Variants in HIF1AN observed in about 807,000 individuals in gnomAD.
HIF1AN encodes the protein hypoxia inducible factor 1 subunit alpha inhibitor.
In HIF1AN, 21 loss-of-function variants were observed where a neutral mutation model predicts 47.7. The observed-to-expected ratio is 0.44, with a 90% confidence interval of 0.31 to 0.63. The LOEUF (loss-of-function observed/expected upper bound fraction) is 0.63, where lower values mean the gene tolerates loss of function less well. Ranked by LOEUF, HIF1AN falls within the 30% of genes least tolerant of loss-of-function variation. HIF1AN has a pLI of 0.07. For synonymous variants in HIF1AN, 152 were observed against 155.9 expected, an observed-to-expected ratio of 0.98 and a Z score of 0.18; for missense variants, 320 against 432.7, an observed-to-expected ratio of 0.74 and a Z score of 2.31.
At chr10:100,539,998 T>C (rs1328590406) in intron 2 of HIF1AN, among the ~76,000 whole-genome samples, 1 of 151,988 alleles carries the variant, frequency 6.6e-6, no homozygotes, top group Non-Finnish European at 1.5e-5. Context: ...GATTCTTTTA[T>C]TTATTTATTT....
chr10:100,540,520 G>T (rs1460563942), intron 2 of HIF1AN, 114 bp from the exon 3 acceptor site: 6 of 1,191,024 alleles, frequency 5.0e-6, no homozygotes, highest in East Asian at 2.4e-5. Context: ...GACTACATCT[G>T]TTCTCTGTGG....
Position 100,544,974 on chromosome 10 carries a change from G to C in HIF1AN, c.601G>C (p.Asp201His), listed in dbSNP as rs758624092. ...MEGNVTPAHYDEQQNFFAQIK... is the reference protein window; with the variant it reads ...MEGNVTPAHYHEQQNFFAQIK... The stretch of plus-strand genomic sequence containing the variant: ...AGGAAATGTGACACCTGCTCACTAT[G>C]ATGAGCAGCAGAACTTTTTTGCTCA... The change falls in exon 4 of 8, where the codon GAT becomes CAT. Residue 201 changes from aspartate (D) to histidine (H), a missense_variant. Transcript: ENST00000299163. 3.1e-6 allele frequency: 5 copies of C among 1,614,066 alleles called. No homozygotes were observed. Among genetic ancestry groups the C allele is most frequent in the Non-Finnish European group, 4.2e-6 (5 of 1,179,900 alleles).
intron 7 of HIF1AN, 98 bp downstream of exon 7, chr10:100,547,348 T>G (rs1564663922): frequency 1.3e-6 from 1 of 747,848 alleles, no homozygotes. Context: ...CAGTGTCTGG[T>G]GTCCTCTCTC....
intron 7 of HIF1AN, among the ~76,000 whole-genome samples, chr10:100,547,495 C>A (rs754483493): frequency 5.9e-5 from 9 of 152,198 alleles, no homozygotes; most frequent in Non-Finnish European, 1.2e-4. Flanking sequence ...CTGGGGACCC[C>A]CTGAGGGGAT....
chr10:100,555,747 C>G lies in HIF1AN; in HGVS notation c.*7610C>G, dbSNP rs1377361311. On this transcript the variant is annotated 3_prime_UTR_variant, in exon 8 of 8. Coordinates refer to ENST00000299163, the MANE Select transcript of HIF1AN (RefSeq NM_017902.3). ...TTCTCTTTGGCTCTAGCTAATTTTG[C>G]TGTTTTATTCCGTTTACTTAAAACC... The G allele has an allele frequency of 6.6e-6, 1 of 152,262 alleles. No homozygotes were observed. Among genetic ancestry groups the G allele is most frequent in the African/African-American group, 2.4e-5 (1 of 41,464 alleles). 9.4% of individuals were successfully genotyped at this position (152,262 alleles called of 1,614,324 possible).
At position 100,553,959 on chromosome 10, in the gene HIF1AN, T is replaced by A. The variant is rs1367019027; in HGVS notation, c.*5822T>A. The stretch of plus-strand genomic sequence containing the variant: ...TTATTCAGAAACTTGGTTTCAGTGA[T>A]CTCTAAACAGATTTCCAGTGGTTCT... On this transcript the variant is annotated 3_prime_UTR_variant, in exon 8 of 8. Transcript: ENST00000299163. 1.3e-5 allele frequency: 2 copies of A among 152,200 alleles called. No individual in the cohort carries two copies. Among genetic ancestry groups the A allele is most frequent in the East Asian group, 3.8e-4 (2 of 5,208 alleles). 9.4% of individuals were successfully genotyped at this position (152,200 alleles called of 1,614,324 possible).
chr10:100,539,163 C>T (rs4919470), intron 2 of HIF1AN, among the ~76,000 whole-genome samples: 24,954 of 152,094 alleles, frequency 0.16, 2,493 homozygotes, highest in South Asian at 0.23. Context: ...AACTCCTGAG[C>T]TTAGGCAATC....
In HIF1AN at chr10:100,549,062, G is replaced by C. The variant is rs544055030; in HGVS notation, c.*925G>C. 4.3e-5 allele frequency: 5 copies of C among 116,588 alleles called. No individual in the cohort carries two copies. Among genetic ancestry groups the C allele is most frequent in the African/African-American group, 7.1e-5 (2 of 28,296 alleles). The allele number at this position is 116,588 out of a possible 1,614,324, so 7.2% of individuals were successfully genotyped here. A position where few individuals can be genotyped will look rare whatever the true frequency, so the allele number is the denominator to read the frequency against. On this transcript the variant is annotated 3_prime_UTR_variant, in exon 8 of 8. Transcript: ENST00000299163. ...CCTCTGGGTGTGTGTGTGTGTGTGC[G>C]TGCGTGTGTGTGTGTGTGTCCGTGT...
At position 100,536,055 on chromosome 10, in the gene HIF1AN, C is replaced by T; in HGVS notation, c.97C>T (p.Arg33Cys). The T allele has an allele frequency of 6.2e-7, 1 of 1,611,832 alleles. No individual in the cohort carries two copies. Among genetic ancestry groups the T allele is most frequent in the Non-Finnish European group, 8.5e-7 (1 of 1,179,306 alleles). Residue 33 changes from arginine to cysteine, a missense_variant, in exon 1 of 8, where the codon CGC becomes TGC. This residue lies in a region of HIF1AN where 159 missense variants were observed against 159.9 expected (regional missense o/e 0.99). Transcript: ENST00000299163. The part of the protein sequence containing the change: ...LGPAWDESQL[R>C]SYSFPTRPIP... ...CCCCGCCTGGGATGAATCCCAGTTG[C>T]GCAGTTATAGCTTCCCGACTAGGCC... is the stretch of plus-strand genomic sequence containing the variant.
chr10:100,539,171 A>G (rs895893200), intron 2 of HIF1AN, among the ~76,000 whole-genome samples: 1 of 152,150 alleles, frequency 6.6e-6, no homozygotes, highest in Non-Finnish European at 1.5e-5. Flanking sequence ...AGCTTAGGCA[A>G]TCCACCTCCC....
chr10:100,542,698 C>A (rs931917786), intron 3 of HIF1AN, among the ~76,000 whole-genome samples: 2 of 152,016 alleles, frequency 1.3e-5, no homozygotes, highest in Non-Finnish European at 1.5e-5. Flanking sequence ...TCATGGAGTT[C>A]GAATTCAAAA....
At chr10:100,539,538 C>A (rs1280399712) in intron 2 of HIF1AN, among the ~76,000 whole-genome samples, 4 of 152,246 alleles carry the variant, frequency 2.6e-5, no homozygotes, top group Non-Finnish European at 4.4e-5. Flanking sequence ...TTCTCACTTA[C>A]TACATGTTGA....
intron 2 of HIF1AN, among the ~76,000 whole-genome samples, chr10:100,538,407 G>A (rs1238723947): frequency 3.3e-5 from 5 of 152,286 alleles, no homozygotes; most frequent in Middle Eastern, 3.4e-3. Flanking sequence ...TATATGGGCA[G>A]TATCACTGAC....
intron 6 of HIF1AN, 81 bp downstream of exon 6, chr10:100,546,662 G>A: frequency 9.5e-7 from 1 of 1,052,208 alleles, no homozygotes; most frequent in South Asian, 1.3e-5. Flanking sequence ...GATTTTGGAT[G>A]GGATGGTTGA....
Position 100,548,875 on chromosome 10 carries a change from TAG to T in HIF1AN, c.*742_*743del, listed in dbSNP as rs1843122648. 1 of 152,606 alleles carries T rather than the reference TAG, an allele frequency of 6.6e-6. No homozygotes were observed. The highest frequency in any genetic ancestry group is 2.4e-5 in the African/African-American group (1 of 41,430). 9.5% of individuals were successfully genotyped at this position (152,606 alleles called of 1,614,324 possible). A position where few individuals can be genotyped will look rare whatever the true frequency, so the allele number is the denominator to read the frequency against. Reference sequence around the variant, plus strand: ...CAATGATTGTGCATAAGTTCTAAATTAGAGACACATATAGTTTCTCTCTTTCA... The same window carrying T: ...CAATGATTGTGCATAAGTTCTAAATTAGACACATATAGTTTCTCTCTTTCA... On this transcript the variant is annotated 3_prime_UTR_variant, in exon 8 of 8. Transcript: ENST00000299163.
rs1209027529 is a variant in HIF1AN at position 100,556,338 on chromosome 10, C to T, written c.*8201C>T. The T allele has an allele frequency of 6.6e-6, 1 of 152,148 alleles. No homozygotes were observed. Among genetic ancestry groups the T allele is most frequent in the Non-Finnish European group, 1.5e-5 (1 of 68,048 alleles). The allele number at this position is 152,148 out of a possible 1,614,324, so 9.4% of individuals were successfully genotyped here. On this transcript the variant is annotated 3_prime_UTR_variant, in exon 8 of 8. Coordinates refer to ENST00000299163, the MANE Select transcript of HIF1AN (RefSeq NM_017902.3). ...ACTGGGTGAAAATAAGACATTGGAG[C>T]TGCTGCTCCCCAAGGAGATAAAAGG...
Position 100,545,195 on chromosome 10 carries a change from G to A in HIF1AN, c.723+99G>A, listed in dbSNP as rs141523335. ...TTCCCCGTAGTGATATGCCAGGTTC[G>A]GATTACAGGCTGTTCTTGCCTTAAC... On this transcript the variant is annotated intron_variant, in intron 4 of 7. Coordinates refer to ENST00000299163, the MANE Select transcript of HIF1AN (RefSeq NM_017902.3). 61 of 1,310,630 alleles carry A rather than the reference G, an allele frequency of 4.7e-5. No individual in the cohort carries two copies. The East Asian group carries it at 8.2e-4, about 18-fold the overall frequency. The allele number at this position is 1,310,630 out of a possible 1,614,324, so 81.2% of individuals were successfully genotyped here.
chr10:100,547,047 G>A, intron 6 of HIF1AN, 93 bp from the exon 7 acceptor site: 1 of 915,364 alleles, frequency 1.1e-6, no homozygotes, highest in Non-Finnish European at 1.7e-6. Context: ...GCAAGAATTG[G>A]GTTTCTTAGA....
At position 100,547,003 on chromosome 10, in the gene HIF1AN, G is replaced by A. The variant is rs1843100224; in HGVS notation, c.895-137G>A. On this transcript the variant is annotated intron_variant, in intron 6 of 7. Transcript: ENST00000299163. ...GATCCACCCGCCTCGGCCTCCCAAA[G>A]TGCTGGGATTATAGGCCTGAGTCAC... is the stretch of plus-strand genomic sequence containing the variant. 8 of 640,142 alleles carry A rather than the reference G, an allele frequency of 1.2e-5. No homozygotes were observed. In the South Asian group the frequency reaches 1.5e-4, roughly 12 times the overall value. The allele number at this position is 640,142 out of a possible 1,614,324, so 39.7% of individuals were successfully genotyped here.
Sources: gnomAD v4.1 joint callset for allele counts (sites outside exome capture counted in the v4.1 genomes callset) on GRCh38, gnomAD v4.1.1 for gene constraint, gnomAD v4.1.1 regional missense constraint, MANE v1.5 for transcripts, NCBI Gene and HGNC (gene_info 2026-07-23, HGNC 2026-07-21) for gene names.